NDUFAF2: variants seen among roughly 807,000 people sequenced by gnomAD.
NDUFAF2 encodes the protein NADH:ubiquinone oxidoreductase complex assembly factor 2.
NDUFAF2 carries 13 observed loss-of-function variants against 22.8 expected under a neutral mutation model. That is an observed-to-expected ratio of 0.57 (90% CI 0.37 to 0.91). NDUFAF2 has a LOEUF of 0.91. Ranked by LOEUF, NDUFAF2 falls within the 40% of genes least tolerant of loss-of-function variation. The probability of loss-of-function intolerance (pLI) is 0.01; values close to 1 mark genes in which losing one functional copy is unlikely to be tolerated. For synonymous variants in NDUFAF2, 53 were observed against 64.2 expected (o/e 0.83, Z 0.84); for missense variants, 162 against 195.2 (o/e 0.83, Z 1.01).
At chr5:61,087,412 T>C (rs1440669198) in intron 2 of NDUFAF2, among the ~76,000 whole-genome samples, 1 of 152,114 alleles carries the variant, frequency 6.6e-6, no homozygotes, top group Non-Finnish European at 1.5e-5. Flanking sequence ...TCAGTAGTCA[T>C]CAAGGGATAC....
chr5:60,976,461 C>G (rs181273848), intron 1 of NDUFAF2, among the ~76,000 whole-genome samples: 49 of 152,124 alleles, frequency 3.2e-4, no homozygotes, highest in Non-Finnish European at 5.6e-4. Flanking sequence ...TTATGTTGAT[C>G]CTTAACATAT....
Position 61,021,063 on chromosome 5 carries a change from T to G in NDUFAF2, c.128-52062T>G, listed in dbSNP as rs548750289. ...ATTAGGAAACTTGATTTGGTGTTACTTTTATTACTCGTTTCTCATTTCTAA... is the reference window on the plus strand; with the variant it reads ...ATTAGGAAACTTGATTTGGTGTTACGTTTATTACTCGTTTCTCATTTCTAA... On this transcript the variant is annotated intron_variant, in intron 1 of 3. Coordinates refer to ENST00000296597, the MANE Select transcript of NDUFAF2 (RefSeq NM_174889.5). 2.0e-5 allele frequency among the ~76,000 whole-genome samples: 3 copies of G among 151,948 alleles called. No homozygotes were observed. The East Asian group carries it at 5.8e-4, about 29-fold the overall frequency.
chr5:60,959,918 C>T (rs1230227092), intron 1 of NDUFAF2, among the ~76,000 whole-genome samples: 1 of 152,044 alleles, frequency 6.6e-6, no homozygotes, highest in Non-Finnish European at 1.5e-5. Context: ...TGAGGGGAAA[C>T]AAAAACCCTT....
At chr5:61,070,678 G>T (rs1447456829) in intron 1 of NDUFAF2, among the ~76,000 whole-genome samples, 2 of 151,434 alleles carry the variant, frequency 1.3e-5, no homozygotes, top group Non-Finnish European at 1.5e-5. Flanking sequence ...TTAAATCCTT[G>T]GGAGACCTTA....
rs779872068 is a variant in NDUFAF2 at position 60,945,353 on chromosome 5, A to G, written c.98A>G (p.Tyr33Cys). The change falls in exon 1 of 4, where the codon TAC (tyrosine) becomes TGC (cysteine). Residue 33 changes from tyrosine (Y) to cysteine (C), a missense_variant. Coordinates refer to ENST00000296597, the MANE Select transcript of NDUFAF2 (RefSeq NM_174889.5). ...VGTDQFGNKY[Y>C]YIPQYKNWRG... ...ACGGACCAATTCGGGAACAAATACT[A>G]CTACATCCCGCAGTACAAGAACTGG... 6.2e-6 allele frequency: 10 copies of G among 1,614,200 alleles called. No homozygotes were observed. The East Asian group carries it at 2.2e-4, about 36-fold the overall frequency.
intron 1 of NDUFAF2, among the ~76,000 whole-genome samples, chr5:61,071,307 C>G (rs182350209): frequency 6.6e-6 from 1 of 152,308 alleles, no homozygotes; most frequent in East Asian, 1.9e-4. Flanking sequence ...AGGATTAAAT[C>G]AGCCTGATTA....
intron 1 of NDUFAF2, among the ~76,000 whole-genome samples, chr5:61,016,424 A>G (rs923338280): frequency 7.9e-5 from 12 of 152,162 alleles, no homozygotes; most frequent in African/African-American, 2.2e-4. Context: ...CTTTCATTGT[A>G]TGCGTATTGA....
chr5:61,136,005 TTATATATATATATATATATA>T lies in NDUFAF2; in HGVS notation c.259-16681_259-16662del, dbSNP rs57756292. Among the ~76,000 whole-genome samples, 348 of 96,008 alleles carry T rather than the reference TTATATATATATATATATATA, an allele frequency of 3.6e-3. 25 individuals are homozygous for T. Among genetic ancestry groups the T allele is most frequent in the Admixed American group, 0.019 (209 of 10,764 alleles). 63.0% of individuals were successfully genotyped at this position (96,008 alleles called of 152,430 possible). Reference sequence around the variant, plus strand: ...TTGGTCCCTACATCTAAGCCTGTCTTTATATATATATATATATATATATATATATATATATATCTAGGGTG... The same window carrying T: ...TTGGTCCCTACATCTAAGCCTGTCTTTATATATATATATATATCTAGGGTG... On this transcript the variant is annotated intron_variant, in intron 3 of 3. Coordinates refer to ENST00000296597, the MANE Select transcript of NDUFAF2 (RefSeq NM_174889.5).
intron 2 of NDUFAF2, among the ~76,000 whole-genome samples, chr5:61,096,731 A>G (rs1432682848): frequency 6.6e-6 from 1 of 152,076 alleles, no homozygotes; most frequent in Non-Finnish European, 1.5e-5. Context: ...TGGGAGGCCA[A>G]GGTGGGAAGA....
intron 1 of NDUFAF2, among the ~76,000 whole-genome samples, chr5:61,008,984 C>T (rs1212517302): frequency 1.3e-5 from 2 of 151,842 alleles, no homozygotes; most frequent in East Asian, 1.9e-4. Flanking sequence ...TAATTCCTGC[C>T]GTTTTTGTCT....
intron 1 of NDUFAF2, among the ~76,000 whole-genome samples, chr5:61,030,404 C>T (rs1344333707): frequency 6.6e-6 from 1 of 152,086 alleles, no homozygotes; most frequent in African/African-American, 2.4e-5. Context: ...CCCATTTTCT[C>T]ATTCCCCAGT....
intron 1 of NDUFAF2, among the ~76,000 whole-genome samples, chr5:60,990,092 T>TCCC (rs1751138499): frequency 6.6e-6 from 1 of 152,132 alleles, no homozygotes; most frequent in Non-Finnish European, 1.5e-5. Context: ...TTGTGGGAGC[T>TCCC]AAAAATTAAA....
At chr5:61,070,029 A>G (rs899892087) in intron 1 of NDUFAF2, among the ~76,000 whole-genome samples, 1 of 152,148 alleles carries the variant, frequency 6.6e-6, no homozygotes, top group African/African-American at 2.4e-5. Context: ...ATTAAATAAA[A>G]CAACTGTGTA....
intron 1 of NDUFAF2, among the ~76,000 whole-genome samples, chr5:61,005,068 C>T (rs1306566887): frequency 6.6e-6 from 1 of 152,032 alleles, no homozygotes; most frequent in East Asian, 1.9e-4. Flanking sequence ...GGTAATTCTC[C>T]TAATGCTATC....
At chr5:60,947,342 A>G (rs1024851583) in intron 1 of NDUFAF2, among the ~76,000 whole-genome samples, 2 of 152,176 alleles carry the variant, frequency 1.3e-5, no homozygotes, top group African/African-American at 2.4e-5. Flanking sequence ...TGATAGGTAT[A>G]TAGTGGTATC....
rs144850054 is a variant in NDUFAF2 at position 61,056,889 on chromosome 5, C to CAAAAAAAAAAA, written c.128-16215_128-16205dup. ...GGGCAACAGAACGACACTCTGTCTC[C>CAAAAAAAAAAA]AAAAAAAAAAAAAAAAAAAAAAAAA... On this transcript the variant is annotated intron_variant, in intron 1 of 3. Transcript: ENST00000296597. 4.3e-5 allele frequency among the ~76,000 whole-genome samples: 2 copies of CAAAAAAAAAAA among 46,794 alleles called. 1 individual carries two copies. The highest frequency in any genetic ancestry group is 2.7e-4 in the African/African-American group (2 of 7,396). 30.7% of individuals were successfully genotyped at this position (46,794 alleles called of 152,430 possible).
intron 3 of NDUFAF2, among the ~76,000 whole-genome samples, chr5:61,127,438 A>G (rs879588633): frequency 3.3e-5 from 5 of 152,182 alleles, no homozygotes; most frequent in African/African-American, 7.2e-5. Flanking sequence ...CTTATCCACC[A>G]TGATCAAGTG....
At chr5:61,112,888 C>CT (rs35786013) in intron 3 of NDUFAF2, among the ~76,000 whole-genome samples, 83,767 of 141,052 alleles carry the variant, frequency 0.59, 25,426 homozygotes, top group East Asian at 0.94. Context: ...TTAGTTTATT[C>CT]TTTTTTTTTT....
chr5:60,978,738 A>G (rs1473747943), intron 1 of NDUFAF2, among the ~76,000 whole-genome samples: 1 of 152,196 alleles, frequency 6.6e-6, no homozygotes, highest in Non-Finnish European at 1.5e-5. Flanking sequence ...CACAAGGACT[A>G]CAATTCCTGG....
Sources: gnomAD v4.1 joint callset for allele counts (sites outside exome capture counted in the v4.1 genomes callset) on GRCh38, gnomAD v4.1.1 for gene constraint, MANE v1.5 for transcripts, NCBI Gene and HGNC (gene_info 2026-07-23, HGNC 2026-07-21) for gene names.